The following FSD1L variants were observed in gnomAD, a reference collection of about 807,000 sequenced individuals.
FSD1L encodes FSD1-like protein.
FSD1L carries 45 observed loss-of-function variants against 71.6 expected under a neutral mutation model. The ratio of observed to expected loss-of-function variants is 0.63; its 90% CI spans 0.49 to 0.81. The LOEUF is 0.81. FSD1L is among the 30% of genes least tolerant of loss of function. The pLI, the probability that FSD1L is intolerant of heterozygous loss-of-function variation, is 0.00. For missense variants in FSD1L, 561 were observed against 618.1 expected (o/e 0.91, Z 0.98); for synonymous variants, 197 against 207.2 (o/e 0.95, Z 0.42).
chr9:105,533,611 C>T (rs1278533068), intron 10 of FSD1L, among the ~76,000 whole-genome samples: 7 of 146,534 alleles, frequency 4.8e-5, no homozygotes, highest in Non-Finnish European at 1.1e-4. Flanking sequence ...TTAGTAGAAA[C>T]GGGGTTTCAC....
chr9:105,478,885 G>A lies in FSD1L; in HGVS notation c.442-469G>A, dbSNP rs115906290. Among the ~76,000 whole-genome samples the A allele has an allele frequency of 6.0e-3, 915 of 152,252 alleles. 15 individuals carry two copies. Among genetic ancestry groups the A allele is most frequent in the African/African-American group, 0.021 (872 of 41,556 alleles). ...TCTGAGAATTCCTTGCCCTATAGAG[G>A]CATATAGAGAAAACTTGGAACAACG... On this transcript the variant is annotated intron_variant, in intron 5 of 13. Coordinates refer to ENST00000481272, the MANE Select transcript of FSD1L (RefSeq NM_001145313.3).
intron 7 of FSD1L, among the ~76,000 whole-genome samples, chr9:105,495,417 A>G (rs1172715303): frequency 6.6e-6 from 1 of 152,078 alleles, no homozygotes; most frequent in African/African-American, 2.4e-5. Flanking sequence ...CCTTTCTTTG[A>G]CTAGGATAGG....
At chr9:105,515,833 T>C (rs1036922227) in intron 10 of FSD1L, among the ~76,000 whole-genome samples, 13 of 150,296 alleles carry the variant, frequency 8.6e-5, no homozygotes, top group African/African-American at 2.5e-5. Flanking sequence ...GGAACACCAG[T>C]GAGACAGAAC....
At chr9:105,484,623 A>G in intron 7 of FSD1L, 121 bp downstream of exon 7, 1 of 558,894 alleles carries the variant, frequency 1.8e-6, no homozygotes, top group Non-Finnish European at 2.8e-6. Flanking sequence ...TTTTTCATTC[A>G]GCTAAGGAAT....
At chr9:105,513,552 T>G in intron 10 of FSD1L, 1 of 1,481,892 alleles carries the variant, frequency 6.7e-7, no homozygotes, top group Non-Finnish European at 9.1e-7. Flanking sequence ...CTGTTAAATT[T>G]AAGTTGTAAA....
rs1226169176 is a variant in FSD1L at position 105,484,501 on chromosome 9, A to G, written c.585A>G (p.Pro195=). 6.6e-7 allele frequency: 1 copy of G among 1,507,402 alleles called. No homozygotes were observed. The highest frequency in any genetic ancestry group is 2.6e-5 in the East Asian group (1 of 39,006). The allele number at this position is 1,507,402 out of a possible 1,614,324, so 93.4% of individuals were successfully genotyped here. The change falls in exon 7 of 14, where the codon CCA becomes CCG. Residue 195 remains proline, a splice_region_variant and synonymous_variant. Coordinates refer to ENST00000481272, the MANE Select transcript of FSD1L (RefSeq NM_001145313.3). The part of the protein sequence containing the change: ...RQMLQTLKFL[P]VPKAPEIDPV... Reference sequence around the variant, plus strand: ...TGCTGCAAACTTTGAAGTTTTTGCCAGGTAAATACATGTATTACATGTAAA... The same window carrying G: ...TGCTGCAAACTTTGAAGTTTTTGCCGGGTAAATACATGTATTACATGTAAA...
At chr9:105,514,731 A>G (rs1007933912) in intron 10 of FSD1L, among the ~76,000 whole-genome samples, 4 of 152,110 alleles carry the variant, frequency 2.6e-5, no homozygotes, top group Admixed American at 6.5e-5. Context: ...CCAGTGTTCA[A>G]TTTTTCCCAA....
upstream of FSD1L, among the ~76,000 whole-genome samples, chr9:105,443,451 T>C (rs1829577114): frequency 6.6e-6 from 1 of 152,074 alleles, no homozygotes. Context: ...ACCAGATTCC[T>C]CCCACAACAC....
At position 105,489,777 on chromosome 9, in the gene FSD1L, T is replaced by C. The variant is rs138675265; in HGVS notation, c.586+5275T>C. Among the ~76,000 whole-genome samples the C allele has an allele frequency of 8.3e-3, 1,265 of 152,286 alleles. 19 individuals carry two copies. The highest frequency in any genetic ancestry group is 0.029 in the African/African-American group (1,208 of 41,556). ...GGTGTTAGGTTTTTTGTTCTTGTGATAGTTTACTGAGAATGATGATTTCCA... is the reference window on the plus strand; with the variant it reads ...GGTGTTAGGTTTTTTGTTCTTGTGACAGTTTACTGAGAATGATGATTTCCA... On this transcript the variant is annotated intron_variant, in intron 7 of 13. Transcript: ENST00000481272.
At chr9:105,442,607 G>T in the FSD1L span, among the ~76,000 whole-genome samples, 1 of 151,952 alleles carries the variant, frequency 6.6e-6, no homozygotes, top group Non-Finnish European at 1.5e-5. Context: ...AGGATGGCTT[G>T]AGCCTGGGAG....
intron 1 of FSD1L, among the ~76,000 whole-genome samples, chr9:105,455,140 A>G (rs566487059): frequency 6.6e-6 from 1 of 152,192 alleles, no homozygotes; most frequent in Non-Finnish European, 1.5e-5. Context: ...TAGTTTAAGC[A>G]TACTATTAGA....
At chr9:105,480,553 A>G (rs936446086) in intron 6 of FSD1L, among the ~76,000 whole-genome samples, 41 of 152,196 alleles carry the variant, frequency 2.7e-4, no homozygotes, top group African/African-American at 9.2e-4. Context: ...TGGCCTCCCA[A>G]AGTGCTGGGA....
intron 10 of FSD1L, chr9:105,521,057 C>T: frequency 6.2e-7 from 1 of 1,613,248 alleles, no homozygotes; most frequent in East Asian, 2.2e-5. Flanking sequence ...CTATACTTGA[C>T]ATCCCGCAGA....
rs565951957 is a variant in FSD1L at position 105,517,328 on chromosome 9, CA to C, written c.1025+4393del. On this transcript the variant is annotated intron_variant, in intron 10 of 13. Transcript: ENST00000481272. ...CAAATTCAAGAAATACAGAGAGCAC[CA>C]CAAACATACTCCTCAAGAAGAGCAA... Among the ~76,000 whole-genome samples, 33 of 152,220 alleles carry C rather than the reference CA, an allele frequency of 2.2e-4. 1 individual carries two copies. The South Asian group carries it at 6.4e-3, about 30-fold the overall frequency.
chr9:105,452,665 GCCTGCCTTCCTTCCTTCCTTCCTTCCTT>G (rs1364555273), intron 1 of FSD1L, among the ~76,000 whole-genome samples: 20 of 85,900 alleles, frequency 2.3e-4, no homozygotes, highest in African/African-American at 9.5e-4. Flanking sequence ...CTGCCTGCCT[GCCTGCCTTCCTTCCTTCCTTCCTTCCTT>G]CCTTCCTTCC....
intron 10 of FSD1L, chr9:105,525,744 T>G (rs1835467348): frequency 1.2e-6 from 2 of 1,603,306 alleles, no homozygotes; most frequent in Non-Finnish European, 1.7e-6. Context: ...CAGGAGGAAG[T>G]CAAGCATATG....
intron 1 of FSD1L, 106 bp from the exon 2 acceptor site, chr9:105,461,414 T>C (rs577763168): frequency 1.2e-5 from 6 of 486,700 alleles, no homozygotes; most frequent in African/African-American, 9.7e-5. Flanking sequence ...GAAATGATAA[T>C]ATATTTTGAA....
intron 4 of FSD1L, among the ~76,000 whole-genome samples, chr9:105,470,590 A>G (rs1240385196): frequency 2.0e-5 from 3 of 151,312 alleles, no homozygotes; most frequent in African/African-American, 7.3e-5. Context: ...TTGTGTGTTG[A>G]TTTGAGTTAT....
At chr9:105,542,628 A>G (rs975564449) in intron 13 of FSD1L, among the ~76,000 whole-genome samples, 2 of 151,914 alleles carry the variant, frequency 1.3e-5, no homozygotes, top group African/African-American at 2.4e-5. Flanking sequence ...TATTTAAAAA[A>G]TGTTTCTTGT....
Sources: allele counts gnomAD v4.1 joint callset (sites outside exome capture counted in the v4.1 genomes callset), GRCh38; gene constraint gnomAD v4.1.1; transcripts MANE v1.5; gene names NCBI Gene and HGNC (gene_info 2026-07-23, HGNC 2026-07-21).